ST7: variants seen among roughly 807,000 people sequenced by gnomAD.
The protein encoded by ST7 is suppressor of tumorigenicity 7 protein.
A neutral mutation model predicts 78.7 loss-of-function variants in ST7; 28 were observed. The observed-to-expected ratio is 0.36, with a 90% CI of 0.26 to 0.49. The LOEUF (loss-of-function observed/expected upper bound fraction) is 0.49. ST7 is among the 20% of genes least tolerant of loss of function. The pLI is 0.99. For synonymous variants in ST7, 247 were observed against 249.6 expected (o/e 0.99, Z 0.10); for missense variants, 418 against 696.0 (o/e 0.60, Z 4.49).
intron 1 of ST7, chr7:116,953,950 C>G (rs1321856450): frequency 6.6e-6 from 1 of 151,742 alleles, no homozygotes; most frequent in Admixed American, 6.6e-5. Flanking sequence ...CGGGCCGGGC[C>G]GGGCCGGCAG....
At position 116,972,821 on chromosome 7, in the gene ST7, G is replaced by A. The variant is rs1793500025; in HGVS notation, c.151+19130G>A. Reference sequence around the variant, plus strand: ...CTTTCTCCCTCAACTTCTCACTGGAGACGATCAGCTCGCTCCTCTGCATCA... The same window carrying A: ...CTTTCTCCCTCAACTTCTCACTGGAAACGATCAGCTCGCTCCTCTGCATCA... On this transcript the variant is annotated intron_variant, in intron 1 of 15. Coordinates refer to ENST00000323984, the MANE Select transcript of ST7 (RefSeq NM_001369598.1). 6 of 1,034,582 alleles carry A rather than the reference G, an allele frequency of 5.8e-6. No individual in the cohort carries two copies. In the Admixed American group the frequency reaches 1.0e-4, roughly 18 times the overall value. The allele number at this position is 1,034,582 out of a possible 1,614,324, so 64.1% of individuals were successfully genotyped here. A position where few individuals can be genotyped will look rare whatever the true frequency, so the allele number is the denominator to read the frequency against.
chr7:117,059,250 C>A (rs929385671), intron 1 of ST7, among the ~76,000 whole-genome samples: 2 of 152,004 alleles, frequency 1.3e-5, no homozygotes, highest in Non-Finnish European at 2.9e-5. Context: ...CCTCATTGAC[C>A]CTGATGCCTG....
At chr7:117,085,562 A>C (rs901144560) in intron 1 of ST7, among the ~76,000 whole-genome samples, 2 of 152,200 alleles carry the variant, frequency 1.3e-5, no homozygotes, top group African/African-American at 4.8e-5. Flanking sequence ...GTGAAACTCC[A>C]CATGTTCAAT....
chr7:117,183,245 G>A (rs1008200484), intron 10 of ST7, among the ~76,000 whole-genome samples: 1 of 151,962 alleles, frequency 6.6e-6, no homozygotes, highest in African/African-American at 2.4e-5. Context: ...GGCCAACGTG[G>A]TGAAACCCTG....
chr7:117,180,875 T>C (rs1808704745), intron 10 of ST7, among the ~76,000 whole-genome samples: 1 of 152,162 alleles, frequency 6.6e-6, no homozygotes, highest in Non-Finnish European at 1.5e-5. Context: ...GTTTCTTGAA[T>C]TCCTGGGCTC....
At chr7:117,197,274 C>G (rs1279489345) in intron 12 of ST7, among the ~76,000 whole-genome samples, 2 of 152,190 alleles carry the variant, frequency 1.3e-5, no homozygotes, top group Non-Finnish European at 2.9e-5. Context: ...TCTACCTTGT[C>G]CTCCCAAAGT....
chr7:117,186,181 T>G lies in ST7; in HGVS notation c.1079-3140T>G, dbSNP rs532465752. Among the ~76,000 whole-genome samples the G allele has an allele frequency of 2.0e-5, 3 of 152,334 alleles. No homozygotes were observed. In the South Asian group the frequency reaches 6.2e-4, roughly 32 times the overall value. ...TGTAGATCTTAGCAGCCTCGGTGTA[T>G]GATTTTTTTCTTTTTTTATTAAGTT... On this transcript the variant is annotated intron_variant, in intron 10 of 15. Coordinates refer to ENST00000323984, the MANE Select transcript of ST7 (RefSeq NM_001369598.1).
chr7:117,110,255 G>A lies in ST7; in HGVS notation c.235-9306G>A, dbSNP rs148761134. Among the ~76,000 whole-genome samples the A allele has an allele frequency of 8.5e-3, 1,289 of 152,234 alleles. 59 individuals are homozygous for A. The highest frequency in any genetic ancestry group is 0.069 in the Admixed American group (1,062 of 15,284). ...GCAAATAGAAAAAAAGAACTTTTCT[G>A]GATACAATTTCATACTGAAACCAGT... On this transcript the variant is annotated intron_variant, in intron 2 of 15. Coordinates refer to ENST00000323984, the MANE Select transcript of ST7 (RefSeq NM_001369598.1).
At chr7:117,197,186 C>A (rs1266437242) in intron 12 of ST7, among the ~76,000 whole-genome samples, 2 of 152,086 alleles carry the variant, frequency 1.3e-5, no homozygotes, top group Non-Finnish European at 2.9e-5. Flanking sequence ...AGGTATGCGC[C>A]CCTACACTCA....
chr7:117,025,891 A>T (rs1314495634), intron 1 of ST7, among the ~76,000 whole-genome samples: 8 of 152,192 alleles, frequency 5.3e-5, no homozygotes, highest in Non-Finnish European at 1.2e-4. Flanking sequence ...GCATATTTAT[A>T]TACTAGTACA....
chr7:117,116,147 G>T (rs571639903), intron 2 of ST7, among the ~76,000 whole-genome samples: 2 of 152,118 alleles, frequency 1.3e-5, no homozygotes, highest in African/African-American at 4.8e-5. Flanking sequence ...TTTAGTTCTC[G>T]TCTTACTTGA....
intron 1 of ST7, among the ~76,000 whole-genome samples, chr7:117,022,681 TTAAC>T (rs1289283600): frequency 1.3e-5 from 2 of 152,356 alleles, no homozygotes; most frequent in East Asian, 3.8e-4. Flanking sequence ...AAATACTTGT[TTAAC>T]TATCTATTCT....
At chr7:117,076,035 C>G (rs577229210) in intron 1 of ST7, among the ~76,000 whole-genome samples, 1 of 152,158 alleles carries the variant, frequency 6.6e-6, no homozygotes, top group African/African-American at 2.4e-5. Context: ...TGGTTTCTTA[C>G]ACATTGTTAC....
At chr7:117,080,932 A>AATCCAAAG (rs2116608200) in intron 1 of ST7, 1 of 152,182 alleles carries the variant, frequency 6.6e-6, no homozygotes, top group East Asian at 1.9e-4. Flanking sequence ...CCAAAATCCA[A>AATCCAAAG]ATCCAAAGTG....
intron 1 of ST7, among the ~76,000 whole-genome samples, chr7:116,968,102 G>C (rs959059574): frequency 3.9e-5 from 6 of 152,226 alleles, no homozygotes; most frequent in South Asian, 2.1e-4. Context: ...AACCTCATTG[G>C]TAATTTCAAA....
At chr7:117,049,172 A>G (rs796131648) in intron 1 of ST7, among the ~76,000 whole-genome samples, 16 of 152,290 alleles carry the variant, frequency 1.1e-4, no homozygotes, top group African/African-American at 3.6e-4. Flanking sequence ...CATAAACCCA[A>G]CTGCATTTGC....
intron 1 of ST7, chr7:117,072,706 A>AGCC (rs2116526807): frequency 6.6e-6 from 1 of 152,332 alleles, no homozygotes; most frequent in South Asian, 2.1e-4. Flanking sequence ...TGGGCTTTAG[A>AGCC]GCCAGAAGTT....
At position 117,002,044 on chromosome 7, in the gene ST7, G is replaced by A. The variant is rs531089909; in HGVS notation, c.151+48353G>A. 7.9e-5 allele frequency among the ~76,000 whole-genome samples: 12 copies of A among 152,154 alleles called. No homozygotes were observed. In the East Asian group the frequency reaches 1.6e-3, roughly 20 times the overall value. On this transcript the variant is annotated intron_variant, in intron 1 of 15. Transcript: ENST00000323984. ...ATCAAGACCATCCTGGCCAACAATG[G>A]TGAAACCCCATCTCTACTAAAAATA... is the stretch of plus-strand genomic sequence containing the variant.
chr7:117,134,659 C>T (rs774069883), intron 7 of ST7, among the ~76,000 whole-genome samples: 15 of 152,060 alleles, frequency 9.9e-5, no homozygotes, highest in Non-Finnish European at 1.6e-4. Flanking sequence ...TTACCCTTGC[C>T]TCATATTTAT....
Sources: gnomAD v4.1 joint callset for allele counts (sites outside exome capture counted in the v4.1 genomes callset) on GRCh38, gnomAD v4.1.1 for gene constraint, MANE v1.5 for transcripts, NCBI Gene and HGNC (gene_info 2026-07-23, HGNC 2026-07-21) for gene names.